The following AGBL1 variants were observed in gnomAD, a reference collection of about 807,000 sequenced individuals.
The protein encoded by AGBL1 is AGBL carboxypeptidase 1, also known as cytosolic carboxypeptidase 4.
AGBL1 carries 130 observed loss-of-function variants against 118.9 expected under a neutral mutation model. That is an observed-to-expected ratio of 1.09 (90% CI 0.95 to 1.26). AGBL1 has a LOEUF of 1.26. AGBL1 is among the 50% of genes most tolerant of loss of function. The pLI is 0.00. For synonymous variants in AGBL1, 555 were observed against 478.9 expected (o/e 1.16, Z -2.08); for missense variants, 1,584 against 1,298.1 (o/e 1.22, Z -3.38).
intron 23 of AGBL1, among the ~76,000 whole-genome samples, chr15:86,982,758 C>T (rs1434386933): frequency 1.3e-5 from 2 of 152,088 alleles, no homozygotes; most frequent in East Asian, 1.9e-4. Flanking sequence ...TGTAAGAATA[C>T]AGTATATAAT....
intron 23 of AGBL1, among the ~76,000 whole-genome samples, chr15:86,927,015 T>C (rs960362339): frequency 6.6e-6 from 1 of 151,920 alleles, no homozygotes; most frequent in African/African-American, 2.4e-5. Flanking sequence ...GGTGGGCGCC[T>C]GTAATCCTAG....
chr15:86,231,781 TGAACCGAG>T (rs1002315068), intron 6 of AGBL1, among the ~76,000 whole-genome samples: 50 of 152,318 alleles, frequency 3.3e-4, no homozygotes, highest in African/African-American at 1.2e-3. Context: ...AGCTCTGTGC[TGAACCGAG>T]GAAATTAATG....
At position 86,725,444 on chromosome 15, in the gene AGBL1, A is replaced by G. The variant is rs1292109458; in HGVS notation, c.3158+51008A>G. ...TTAATTCCTGGGAGGTCAGTTTAGC[A>G]GAGCATGGGTGAAGTCTGAAAGGTA... On this transcript the variant is annotated intron_variant, in intron 22 of 22. Coordinates refer to ENST00000614907, the MANE Select transcript of AGBL1 (RefSeq NM_001386094.1). 2.6e-5 allele frequency among the ~76,000 whole-genome samples: 4 copies of G among 152,332 alleles called. No individual in the cohort carries two copies. In the South Asian group the frequency reaches 8.3e-4, roughly 32 times the overall value.
chr15:86,452,270 G>A (rs1226722319), intron 18 of AGBL1, among the ~76,000 whole-genome samples: 2 of 152,166 alleles, frequency 1.3e-5, no homozygotes, highest in Non-Finnish European at 2.9e-5. Flanking sequence ...CCCTTAGTAT[G>A]TGGTATTCCC....
Position 86,390,660 on chromosome 15 carries a change from A to ATTTTTTTTTTTTTTT in AGBL1, c.2375-6694_2375-6680dup, listed in dbSNP as rs756052402. Among the ~76,000 whole-genome samples the ATTTTTTTTTTTTTTT allele has an allele frequency of 7.8e-4, 59 of 75,466 alleles. 4 individuals carry two copies. The highest frequency in any genetic ancestry group is 5.5e-3 in the East Asian group (9 of 1,634). The allele number at this position is 75,466 out of a possible 152,430, so 49.5% of individuals were successfully genotyped here. On this transcript the variant is annotated intron_variant, in intron 17 of 22. Transcript: ENST00000614907. ...AGGCAGAAAAGTTATATACTGTATG[A>ATTTTTTTTTTTTTTT]TTTTTTTTTTTTTTTTTTTTTTTTT...
In AGBL1 at chr15:86,659,561, G is replaced by A. The variant is rs114567304; in HGVS notation, c.2995-14712G>A. 2.7e-3 allele frequency among the ~76,000 whole-genome samples: 412 copies of A among 152,140 alleles called. 6 individuals carry two copies. Among genetic ancestry groups the A allele is most frequent in the African/African-American group, 9.4e-3 (392 of 41,508 alleles). ...GCTCCTATCTTCTGCTACCCGCCACGGCGTCTTTAATTTCCAAGTCTCTTT... is the reference window on the plus strand; with the variant it reads ...GCTCCTATCTTCTGCTACCCGCCACAGCGTCTTTAATTTCCAAGTCTCTTT... On this transcript the variant is annotated intron_variant, in intron 21 of 22. Coordinates refer to ENST00000614907, the MANE Select transcript of AGBL1 (RefSeq NM_001386094.1).
At chr15:86,789,062 A>G (rs1040174620) in intron 22 of AGBL1, among the ~76,000 whole-genome samples, 7 of 152,210 alleles carry the variant, frequency 4.6e-5, no homozygotes, top group Admixed American at 2.0e-4. Flanking sequence ...TTCTAGCTAG[A>G]GGAAATAACA....
intron 23 of AGBL1, among the ~76,000 whole-genome samples, chr15:86,925,199 AAAG>A (rs1406735920): frequency 6.0e-5 from 8 of 132,888 alleles, no homozygotes; most frequent in South Asian, 4.8e-4. Context: ...GAAAAGAAGA[AAAG>A]AAGAAGAAAA....
At chr15:86,937,650 G>A (rs994766280) in intron 23 of AGBL1, among the ~76,000 whole-genome samples, 14 of 152,154 alleles carry the variant, frequency 9.2e-5, no homozygotes, top group African/African-American at 3.4e-4. Context: ...TCTACTTGAG[G>A]ATGGAGGATG....
intron 15 of AGBL1, among the ~76,000 whole-genome samples, chr15:86,272,234 C>T (rs548053860): frequency 5.3e-4 from 80 of 152,140 alleles, no homozygotes; most frequent in African/African-American, 7.2e-5. Flanking sequence ...CTTGATCAGT[C>T]GCCAGTTTCA....
intron 15 of AGBL1, 134 bp from the exon 16 acceptor site, chr15:86,279,505 A>C (rs947583145): frequency 1.2e-6 from 1 of 819,160 alleles, no homozygotes; most frequent in African/African-American, 1.7e-5. Context: ...ACCCACAGAA[A>C]TGTTTCAAGT....
At chr15:86,166,224 A>C (rs539064701) in intron 5 of AGBL1, among the ~76,000 whole-genome samples, 4 of 152,162 alleles carry the variant, frequency 2.6e-5, no homozygotes, top group African/African-American at 4.8e-5. Flanking sequence ...TTATTTGACA[A>C]CATTCTATGT....
chr15:86,636,230 G>A (rs2085080224), intron 21 of AGBL1, among the ~76,000 whole-genome samples: 1 of 151,978 alleles, frequency 6.6e-6, no homozygotes, highest in South Asian at 2.1e-4. Flanking sequence ...ATAACAGTAG[G>A]GCCCTGGAAG....
chr15:86,867,479 G>C (rs539527320), intron 22 of AGBL1, among the ~76,000 whole-genome samples: 1 of 152,170 alleles, frequency 6.6e-6, no homozygotes, highest in Non-Finnish European at 1.5e-5. Flanking sequence ...GAAAACAACA[G>C]TTTTTTTAAA....
intron 22 of AGBL1, among the ~76,000 whole-genome samples, chr15:86,767,580 A>G (rs1181534367): frequency 6.6e-6 from 1 of 151,964 alleles, no homozygotes; most frequent in Non-Finnish European, 1.5e-5. Flanking sequence ...ATAATATAGC[A>G]TTTATTGAGC....
chr15:86,275,552 A>G lies in AGBL1; in HGVS notation c.2075+3846A>G, dbSNP rs143253338. On this transcript the variant is annotated intron_variant, in intron 15 of 22. Coordinates refer to ENST00000614907, the MANE Select transcript of AGBL1 (RefSeq NM_001386094.1). ...TGCTGAAAAGAAACAATGACTTTCC[A>G]GCATATTTTTAAGTACAAATGGAAA... 1.8e-3 allele frequency among the ~76,000 whole-genome samples: 281 copies of G among 152,338 alleles called. 1 individual carries two copies. The highest frequency in any genetic ancestry group is 6.3e-3 in the African/African-American group (260 of 41,582).
intron 18 of AGBL1, among the ~76,000 whole-genome samples, chr15:86,474,351 C>T (rs1233948660): frequency 6.6e-6 from 1 of 152,168 alleles, no homozygotes; most frequent in Non-Finnish European, 1.5e-5. Context: ...ACAGATGGCA[C>T]CTGGAAAATC....
chr15:86,775,594 G>A (rs1359248802), intron 22 of AGBL1, among the ~76,000 whole-genome samples: 1 of 151,984 alleles, frequency 6.6e-6, no homozygotes, highest in Non-Finnish European at 1.5e-5. Flanking sequence ...TTTCTGGGTG[G>A]CTAACATGAA....
Position 86,158,916 on chromosome 15 carries a change from G to A in AGBL1, c.395-17G>A. ...ATCCACTTGTGACCATAACTACTGT[G>A]CTTTTGTTTTTCTTAGTCTCCATGG... On this transcript the variant is annotated splice_polypyrimidine_tract_variant and intron_variant, in intron 4 of 22. Coordinates refer to ENST00000614907, the MANE Select transcript of AGBL1 (RefSeq NM_001386094.1). 1.9e-6 allele frequency: 3 copies of A among 1,611,012 alleles called. No individual in the cohort carries two copies. The highest frequency in any genetic ancestry group is 1.1e-5 in the South Asian group (1 of 91,020).
Sources: allele counts gnomAD v4.1 joint callset (sites outside exome capture counted in the v4.1 genomes callset), GRCh38; gene constraint gnomAD v4.1.1; transcripts MANE v1.5; gene names NCBI Gene and HGNC (gene_info 2026-07-23, HGNC 2026-07-21).